The following ACSS3 variants were observed in gnomAD, a reference collection of about 807,000 sequenced individuals.
The protein encoded by ACSS3 is acyl-CoA synthetase short-chain family member 3, mitochondrial.
A neutral mutation model predicts 84.2 loss-of-function variants in ACSS3; 64 were observed. The observed-to-expected ratio is 0.76, with a 90% CI of 0.62 to 0.94. The LOEUF (loss-of-function observed/expected upper bound fraction) is 0.94. Among genes scored for constraint, ACSS3 ranks in the 40% least tolerant of loss-of-function variants. The probability of loss-of-function intolerance (pLI) is 0.00; values close to 1 mark genes in which losing one functional copy is unlikely to be tolerated. For synonymous variants in ACSS3, 317 were observed against 310.1 expected, an observed-to-expected ratio of 1.02 and a Z score of -0.23; for missense variants, 815 against 867.6, an observed-to-expected ratio of 0.94 and a Z score of 0.76.
At chr12:81,205,351 A>C (rs1426009109) in intron 9 of ACSS3, among the ~76,000 whole-genome samples, 2 of 152,154 alleles carry the variant, frequency 1.3e-5, no homozygotes, top group East Asian at 1.9e-4. Flanking sequence ...CAACTGAGGC[A>C]AGACTTTTAA....
chr12:81,217,806 C>G (rs972971685), intron 10 of ACSS3, among the ~76,000 whole-genome samples: 1 of 151,748 alleles, frequency 6.6e-6, no homozygotes, highest in African/African-American at 2.4e-5. Context: ...TCGTGCCACT[C>G]CAGCCTAGGC....
chr12:81,101,319 T>A (rs1167894673), intron 1 of ACSS3, among the ~76,000 whole-genome samples: 1 of 152,122 alleles, frequency 6.6e-6, no homozygotes, highest in Admixed American at 6.6e-5. Context: ...ATTTTTTATT[T>A]AAAAAAATTT....
At chr12:81,084,154 A>G (rs1376056810) in intron 1 of ACSS3, among the ~76,000 whole-genome samples, 1 of 152,090 alleles carries the variant, frequency 6.6e-6, no homozygotes, top group Non-Finnish European at 1.5e-5. Context: ...TTCCATTGTG[A>G]TCATTTTTGT....
chr12:81,179,803 A>G (rs2030798190), intron 8 of ACSS3, among the ~76,000 whole-genome samples: 1 of 151,738 alleles, frequency 6.6e-6, no homozygotes, highest in Non-Finnish European at 1.5e-5. Flanking sequence ...AAAAAGGGCA[A>G]AGGACGTTGC....
At chr12:81,226,093 G>C (rs7133165) in intron 11 of ACSS3, among the ~76,000 whole-genome samples, 101,489 of 151,648 alleles carry the variant, frequency 0.67, 34,391 homozygotes, top group Non-Finnish European at 0.73. Context: ...TTCTTAATCA[G>C]TCTAGCTGTT....
intron 7 of ACSS3, among the ~76,000 whole-genome samples, chr12:81,164,833 G>A (rs1887325271): frequency 6.6e-6 from 1 of 152,084 alleles, no homozygotes; most frequent in Admixed American, 6.5e-5. Flanking sequence ...TTCAAGGACA[G>A]GGATTTGCTT....
chr12:81,250,467 G>A (rs927898525), intron 13 of ACSS3, among the ~76,000 whole-genome samples: 21 of 152,052 alleles, frequency 1.4e-4, no homozygotes, highest in Admixed American at 2.6e-4. Context: ...TATTTCTTCC[G>A]ATTTTAAAAT....
chr12:81,231,165 C>T, intron 12 of ACSS3, 27 bp downstream of exon 12: 1 of 1,520,484 alleles, frequency 6.6e-7, no homozygotes, highest in Non-Finnish European at 9.1e-7. Flanking sequence ...GCTTTTTTAT[C>T]TTCTTATGTA....
Position 81,259,367 on chromosome 12 carries a change from T to C in ACSS3, c.*4445T>C. ...AAATGCACGGTAATACATAAATGCC[T>C]AGTATATTACAATAAAACATGAAAA... On this transcript the variant is annotated 3_prime_UTR_variant, in exon 16 of 16. Transcript: ENST00000548058. The C allele has an allele frequency of 1.7e-6, 1 of 593,308 alleles. No homozygotes were observed. Among genetic ancestry groups the C allele is most frequent in the African/African-American group, 1.8e-5 (1 of 54,114 alleles). The allele number at this position is 593,308 out of a possible 1,614,324, so 36.8% of individuals were successfully genotyped here.
intron 1 of ACSS3, among the ~76,000 whole-genome samples, chr12:81,105,155 C>T (rs866346612): frequency 6.6e-6 from 1 of 152,198 alleles, no homozygotes; most frequent in African/African-American, 2.4e-5. Flanking sequence ...ACTGAGATGA[C>T]ACAGAGTTTG....
At chr12:81,126,263 AG>A (rs1190567356) in intron 2 of ACSS3, among the ~76,000 whole-genome samples, 1 of 152,244 alleles carries the variant, frequency 6.6e-6, no homozygotes, top group African/African-American at 2.4e-5. Flanking sequence ...AGCAGGAGAA[AG>A]TTACAATTAC....
rs2034415431 is a variant in ACSS3 at position 81,258,385 on chromosome 12, A to C, written c.*3463A>C. On this transcript the variant is annotated 3_prime_UTR_variant, in exon 16 of 16. Transcript: ENST00000548058. ...ATGTAATGTACGTGCAAACATAGCA[A>C]ATTAAAATACAGAAAAGAAATTACT... The C allele has an allele frequency of 6.6e-6, 1 of 152,180 alleles. No individual in the cohort carries two copies. Among genetic ancestry groups the C allele is most frequent in the African/African-American group, 2.4e-5 (1 of 41,462 alleles). 9.4% of individuals were successfully genotyped at this position (152,180 alleles called of 1,614,324 possible).
At position 81,234,606 on chromosome 12, in the gene ACSS3, A is replaced by T. The variant is rs144231525; in HGVS notation, c.1719+1135A>T. On this transcript the variant is annotated intron_variant, in intron 13 of 15. Coordinates refer to ENST00000548058, the MANE Select transcript of ACSS3 (RefSeq NM_024560.4). Reference sequence around the variant, plus strand: ...TAAACCATTCTACTCGGTGTGTAATAGTATCTCATTGTGCATGTGATTTGC... The same window carrying T: ...TAAACCATTCTACTCGGTGTGTAATTGTATCTCATTGTGCATGTGATTTGC... 6.6e-5 allele frequency among the ~76,000 whole-genome samples: 10 copies of T among 151,474 alleles called. No individual in the cohort carries two copies. The East Asian group carries it at 1.9e-3, about 29-fold the overall frequency.
At position 81,230,102 on chromosome 12, in the gene ACSS3, C is replaced by T. The variant is rs139039304; in HGVS notation, c.1515-955C>T. On this transcript the variant is annotated intron_variant, in intron 11 of 15. Transcript: ENST00000548058. ...ATCTGTGCTTCATTTTCAATTTTCT[C>T]AGCATGAGAACTACGAATTTACAAC... 3.8e-3 allele frequency among the ~76,000 whole-genome samples: 572 copies of T among 151,932 alleles called. 3 individuals carry two copies. Among genetic ancestry groups the T allele is most frequent in the African/African-American group, 0.013 (532 of 41,490 alleles).
At chr12:81,254,593 T>G (rs1460590883) in intron 15 of ACSS3, among the ~76,000 whole-genome samples, 2 of 152,150 alleles carry the variant, frequency 1.3e-5, no homozygotes, top group Admixed American at 1.3e-4. Flanking sequence ...CAGAAATATA[T>G]AGAAGACTCT....
intron 2 of ACSS3, among the ~76,000 whole-genome samples, chr12:81,131,257 G>T (rs1045010016): frequency 2.6e-5 from 4 of 152,190 alleles, no homozygotes; most frequent in African/African-American, 9.7e-5. Flanking sequence ...TCCCATCCAT[G>T]AGCATGGAGT....
intron 3 of ACSS3, among the ~76,000 whole-genome samples, chr12:81,137,054 A>AT (rs1244779698): frequency 6.6e-6 from 1 of 152,120 alleles, no homozygotes; most frequent in Non-Finnish European, 1.5e-5. Flanking sequence ...GAGGCTTTGC[A>AT]TATCTCACTT....
chr12:81,253,456 A>G, intron 14 of ACSS3, 39 bp from the exon 15 acceptor site: 1 of 1,611,618 alleles, frequency 6.2e-7, no homozygotes, highest in Non-Finnish European at 8.5e-7. Context: ...TAATTAACTA[A>G]GGTTAATTCA....
chr12:81,087,397 GAGA>G (rs983557069), intron 1 of ACSS3, among the ~76,000 whole-genome samples: 7 of 151,970 alleles, frequency 4.6e-5, no homozygotes, highest in South Asian at 2.1e-4. Flanking sequence ...GAAGGAGCAG[GAGA>G]AGAAGAAGAG....
Sources: gnomAD v4.1 joint callset for allele counts (sites outside exome capture counted in the v4.1 genomes callset) on GRCh38, gnomAD v4.1.1 for gene constraint, MANE v1.5 for transcripts, NCBI Gene and HGNC (gene_info 2026-07-23, HGNC 2026-07-21) for gene names.